Variants in ARID1A observed in about 807,000 individuals in gnomAD.
ARID1A encodes AT-rich interactive domain-containing protein 1A.
In ARID1A, 20 loss-of-function variants were observed where a neutral mutation model predicts 212.6. That is an observed-to-expected ratio of 0.09 (90% CI 0.07 to 0.14). The LOEUF (loss-of-function observed/expected upper bound fraction) is 0.14, where lower values mean the gene tolerates loss of function less well. Ranked by LOEUF, ARID1A falls within the 10% of genes least tolerant of loss-of-function variation. The pLI, the probability that ARID1A is intolerant of heterozygous loss-of-function variation, is 1.00. For missense variants in ARID1A, 2,587 were observed against 3,059.0 expected, an observed-to-expected ratio of 0.85 and a Z score of 3.64; for synonymous variants, 1,376 against 1,222.1, an observed-to-expected ratio of 1.13 and a Z score of -2.63.
At chr1:26,703,208 C>T (rs565597787) in intron 1 of ARID1A, among the ~76,000 whole-genome samples, 1 of 152,320 alleles carries the variant, frequency 6.6e-6, no homozygotes, top group East Asian at 1.9e-4. Flanking sequence ...CTCACTACAT[C>T]TTACTTGAAG....
At position 26,697,500 on chromosome 1, in the gene ARID1A, G is replaced by A. The variant is rs2124745247; in HGVS notation, c.1097G>A (p.Ser366Asn). 2.8e-6 allele frequency: 4 copies of A among 1,407,220 alleles called. No homozygotes were observed. The highest frequency in any genetic ancestry group is 3.7e-6 in the Non-Finnish European group (4 of 1,088,186). The allele number at this position is 1,407,220 out of a possible 1,614,324, so 87.2% of individuals were successfully genotyped here. The change falls in exon 1 of 20, where the codon AGC (serine) becomes AAC (asparagine). Residue 366 changes from serine to asparagine, a missense_variant. By Grantham distance (46) the Ser-to-Asn change is conservative. Around this residue, in one of 11 missense-constraint regions of ARID1A, gnomAD observed 735 missense variants for 590.6 expected, o/e 1.24. Coordinates refer to ENST00000324856, the MANE Select transcript of ARID1A (RefSeq NM_006015.6). ...RSHHAPMSPGSSGGGGQPLAR... is the reference protein window; with the variant it reads ...RSHHAPMSPGNSGGGGQPLAR... ...CACCACGCGCCCATGAGCCCCGGGA[G>A]CAGCGGCGGCGGGGGGCAGCCGCTC... is the stretch of plus-strand genomic sequence containing the variant.
At chr1:26,720,398 G>A (rs1055581643) in intron 1 of ARID1A, among the ~76,000 whole-genome samples, 9 of 151,850 alleles carry the variant, frequency 5.9e-5, no homozygotes, top group Non-Finnish European at 1.2e-4. Context: ...ACATGAAACC[G>A]GGAGGTGGAG....
At chr1:26,710,528 C>CACACACACAT (rs1553147494) in intron 1 of ARID1A, among the ~76,000 whole-genome samples, 3 of 148,198 alleles carry the variant, frequency 2.0e-5, no homozygotes, top group African/African-American at 7.6e-5. Context: ...CACACACACA[C>CACACACACAT]CACTTGTTGT....
intron 14 of ARID1A, 47 bp from the exon 15 acceptor site, chr1:26,773,299 G>T (rs747039522): frequency 6.5e-7 from 1 of 1,527,538 alleles, no homozygotes; most frequent in East Asian, 2.3e-5. Context: ...AGATTACCAG[G>T]CTTGTCAACT....
intron 11 of ARID1A, 131 bp downstream of exon 11, chr1:26,768,130 T>C: frequency 1.9e-6 from 2 of 1,038,596 alleles, no homozygotes; most frequent in Non-Finnish European, 2.8e-6. Flanking sequence ...GAGTCTAATA[T>C]TGATAGACCG....
chr1:26,766,159 G>A (rs2081037528), intron 8 of ARID1A, 62 bp from the exon 9 acceptor site: 1 of 1,561,442 alleles, frequency 6.4e-7, no homozygotes, highest in Middle Eastern at 1.9e-4. Context: ...TTTGGCTCCA[G>A]TTCAAATCTA....
At chr1:26,747,067 AAAC>A (rs1557600648) in intron 4 of ARID1A, among the ~76,000 whole-genome samples, 1 of 152,130 alleles carries the variant, frequency 6.6e-6, no homozygotes, top group Non-Finnish European at 1.5e-5. Flanking sequence ...CAAACAAAAA[AAAC>A]AACACCATAC....
At chr1:26,730,131 C>T (rs993357724) in intron 2 of ARID1A, among the ~76,000 whole-genome samples, 2 of 152,146 alleles carry the variant, frequency 1.3e-5, no homozygotes, top group African/African-American at 4.8e-5. Context: ...AGTGAGTGGT[C>T]ATCTCTGAAT....
chr1:26,735,282 C>T (rs190992569), intron 4 of ARID1A, among the ~76,000 whole-genome samples: 4 of 151,490 alleles, frequency 2.6e-5, no homozygotes, highest in African/African-American at 4.9e-5. Context: ...CTCGCCACTA[C>T]GCCCAACTAA....
chr1:26,745,626 A>G (rs973530633), intron 4 of ARID1A, among the ~76,000 whole-genome samples: 1 of 152,002 alleles, frequency 6.6e-6, no homozygotes, highest in African/African-American at 2.4e-5. Flanking sequence ...CCTAAGGCCC[A>G]GAAAGGGCAA....
intron 4 of ARID1A, among the ~76,000 whole-genome samples, chr1:26,757,930 G>T (rs918980057): frequency 1.3e-5 from 2 of 152,124 alleles, no homozygotes; most frequent in African/African-American, 4.8e-5. Flanking sequence ...GAGCTACTGC[G>T]CCTGGCCAAC....
At position 26,775,617 on chromosome 1, in the gene ARID1A, T is replaced by A; in HGVS notation, c.5034T>A (p.Ser1678=). The change falls in exon 19 of 20, where the codon TCT becomes TCA. Residue 1678 remains serine (S), a synonymous_variant. Coordinates refer to ENST00000324856, the MANE Select transcript of ARID1A (RefSeq NM_006015.6). ...EAWRVMMSLK[S]GLLAESTWAL... ...GGCGGGTAATGATGTCCCTCAAGTC[T>A]GGTCTCCTGGCAGAGAGCACATGGG... 6.2e-7 allele frequency: 1 copy of A among 1,614,134 alleles called. No homozygotes were observed.
chr1:26,762,075 A>G (rs2080997423), intron 6 of ARID1A, 77 bp from the exon 7 acceptor site: 1 of 1,433,446 alleles, frequency 7.0e-7, no homozygotes. Flanking sequence ...TAGATGGTAA[A>G]GTCCCAGGAT....
At position 26,773,632 on chromosome 1, in the gene ARID1A, C is replaced by T. The variant is rs1403660255; in HGVS notation, c.3919C>T (p.Pro1307Ser). ...AAACATGAGCACTGGGGCCCCACAG[C>T]CGAATCTCATGCCTTCCAACCCAGA... Reference protein sequence around the residue: ...EGNMSTGAPQPNLMPSNPDSG... With the variant: ...EGNMSTGAPQSNLMPSNPDSG... The change falls in exon 16 of 20, where the codon CCG becomes TCG. Residue 1307 changes from proline to serine, a missense_variant. Physicochemically the swap from Pro to Ser is moderately conservative, Grantham distance 74. Transcript: ENST00000324856. The T allele has an allele frequency of 5.6e-6, 9 of 1,614,188 alleles. No homozygotes were observed. In the East Asian group the frequency reaches 2.0e-4, roughly 36 times the overall value.
intron 3 of ARID1A, 83 bp from the exon 4 acceptor site, chr1:26,732,593 G>C (rs1006054180): frequency 3.9e-5 from 44 of 1,118,690 alleles, no homozygotes; most frequent in Non-Finnish European, 5.9e-5. Context: ...ATGAGAGACA[G>C]TCCCATAACC....
Position 26,761,480 on chromosome 1 carries a change from G to C in ARID1A, c.2251+7G>C, listed in dbSNP as rs113786963. The stretch of plus-strand genomic sequence containing the variant: ...AGCATTGCCCAAGATCGAGGTGAGA[G>C]CCTGGGTGTTGGGGAGGGGCAGGGA... On this transcript the variant is annotated splice_region_variant and intron_variant, in intron 6 of 19. Coordinates refer to ENST00000324856, the MANE Select transcript of ARID1A (RefSeq NM_006015.6). The C allele has an allele frequency of 2.2e-5, 35 of 1,613,988 alleles. No homozygotes were observed. The highest frequency in any genetic ancestry group is 3.3e-4 in the Middle Eastern group (2 of 6,076).
In ARID1A at chr1:26,780,905, T is replaced by A. The variant is rs1250317878; in HGVS notation, c.*149T>A. ...CTCCCTTGGGAAAAAGTCTCTCCTG[T>A]TTCTCTCTCCTCCTTCCACCTCCCC... On this transcript the variant is annotated 3_prime_UTR_variant, in exon 20 of 20. Transcript: ENST00000324856. This position sits in a 1 kb window ranked among gnomAD's most constrained non-coding sequence, Gnocchi z 7.2. The A allele has an allele frequency of 7.8e-6, 9 of 1,160,452 alleles. No individual in the cohort carries two copies. The highest frequency in any genetic ancestry group is 1.1e-5 in the Non-Finnish European group (9 of 845,526). 71.9% of individuals were successfully genotyped at this position (1,160,452 alleles called of 1,614,324 possible). A position where few individuals can be genotyped will look rare whatever the true frequency, so the allele number is the denominator to read the frequency against.
At chr1:26,726,047 G>A (rs1407101341) in intron 1 of ARID1A, among the ~76,000 whole-genome samples, 1 of 151,644 alleles carries the variant, frequency 6.6e-6, no homozygotes, top group Non-Finnish European at 1.5e-5. Flanking sequence ...TAGAGACGGG[G>A]TTTCACCATA....
chr1:26,715,232 A>G (rs1308180579), intron 1 of ARID1A, among the ~76,000 whole-genome samples: 1 of 152,196 alleles, frequency 6.6e-6, no homozygotes, highest in Non-Finnish European at 1.5e-5. Flanking sequence ...TTAGTTTAAC[A>G]TGGAAGAGGG....
Sources: allele counts gnomAD v4.1 joint callset (sites outside exome capture counted in the v4.1 genomes callset), GRCh38; gene constraint gnomAD v4.1.1; regional missense constraint gnomAD v4.1.1; non-coding constraint Gnocchi (gnomAD v3.1); transcripts MANE v1.5; gene names NCBI Gene and HGNC (gene_info 2026-07-23, HGNC 2026-07-21).